Variants in CABLES2 observed in about 807,000 individuals in gnomAD.
CABLES2 encodes the protein Cdk5 and Abl enzyme substrate 2.
CABLES2 carries 35 observed loss-of-function variants against 44.8 expected under a neutral mutation model. That is an observed-to-expected ratio of 0.78 (90% CI 0.60 to 1.04). The LOEUF (loss-of-function observed/expected upper bound fraction) is 1.04, where lower values mean the gene tolerates loss of function less well. CABLES2 is among the 50% of genes least tolerant of loss of function. The pLI, the probability that CABLES2 is intolerant of heterozygous loss-of-function variation, is 0.00. For missense variants in CABLES2, 566 were observed against 615.7 expected (o/e 0.92, Z 0.85); for synonymous variants, 282 against 281.1 (o/e 1.00, Z -0.03).
chr20:62,391,506 A>C lies in CABLES2; in HGVS notation c.1092-53T>G. On this transcript the variant is annotated intron_variant, in intron 8 of 9. Transcript: ENST00000279101. This position sits in a 1 kb window ranked among gnomAD's most constrained non-coding sequence, Gnocchi z 5.7. The stretch of plus-strand genomic sequence containing the variant: ...CTGGGGGCTCTGGCTGGGGCTGAGG[A>C]GGCAGCCCCCTGCCACCACCAACCG... 2 of 1,567,278 alleles carry C rather than the reference A, an allele frequency of 1.3e-6. No individual in the cohort carries two copies. Among genetic ancestry groups the C allele is most frequent in the African/African-American group, 1.3e-5 (1 of 74,130 alleles).
At position 62,391,481 on chromosome 20, in the gene CABLES2, CT is replaced by C. The variant is rs1341243922; in HGVS notation, c.1092-29del. Reference sequence around the variant, plus strand: ...GTGGGTTAAGACAGAAGCCATGTCCCTGGGGGCTCTGGCTGGGGCTGAGGAG... The same window carrying C: ...GTGGGTTAAGACAGAAGCCATGTCCCGGGGGCTCTGGCTGGGGCTGAGGAG... On this transcript the variant is annotated intron_variant, in intron 8 of 9. Transcript: ENST00000279101. This position sits in a 1 kb window ranked among gnomAD's most constrained non-coding sequence, Gnocchi z 5.7. 1 of 1,607,090 alleles carries C rather than the reference CT, an allele frequency of 6.2e-7. No individual in the cohort carries two copies. Among genetic ancestry groups the C allele is most frequent in the East Asian group, 2.2e-5 (1 of 44,736 alleles).
chr20:62,391,008 A>G lies in CABLES2; in HGVS notation c.1400T>C (p.Val467Ala), dbSNP rs749662209. The G allele has an allele frequency of 5.6e-6, 9 of 1,613,778 alleles. No homozygotes were observed. Among genetic ancestry groups the G allele is most frequent in the Non-Finnish European group, 6.8e-6 (8 of 1,179,964 alleles). The change falls in exon 10 of 10, where the codon GTG (valine) becomes GCG (alanine). Residue 467 changes from valine (V) to alanine (A), a missense_variant. Val to Ala is a moderately conservative substitution (Grantham distance 64). This residue lies in a region of CABLES2 where 436 missense variants were observed against 536.3 expected (regional missense o/e 0.81). Transcript: ENST00000279101. The surrounding 1 kb of genome is among the most constrained non-coding windows in gnomAD (Gnocchi z 5.7). Reference protein sequence around the residue: ...ELALYLPENQVLPHYRRLTQQ... With the variant: ...ELALYLPENQALPHYRRLTQQ... ...GGTGAGGCGCCTGTAATGAGGTAAC[A>G]CTTGGTTCTCGGGAAGATACAGGGC...
intron 1 of CABLES2, among the ~76,000 whole-genome samples, chr20:62,397,951 T>TGATGGC (rs1569017203): frequency 4.1e-5 from 1 of 24,118 alleles, no homozygotes; most frequent in Admixed American, 4.0e-4. Context: ...GTGGTGACGG[T>TGATGGC]AGTGGTGGTG....
In CABLES2 at chr20:62,391,171, C is replaced by G; in HGVS notation, c.1297-60G>C. 1 of 1,604,686 alleles carries G rather than the reference C, an allele frequency of 6.2e-7. No individual in the cohort carries two copies. Among genetic ancestry groups the G allele is most frequent in the Non-Finnish European group, 8.5e-7 (1 of 1,173,006 alleles). On this transcript the variant is annotated intron_variant, in intron 9 of 9. Coordinates refer to ENST00000279101, the MANE Select transcript of CABLES2 (RefSeq NM_031215.3). The surrounding 1 kb of genome is among the most constrained non-coding windows in gnomAD (Gnocchi z 5.7). ...CCTTCCCTCTTCCACATTTCCCACC[C>G]GGCCAGCCCCATCCCAGCAGTGGCC...
chr20:62,399,390 G>T (rs1988146228), intron 1 of CABLES2, among the ~76,000 whole-genome samples: 1 of 151,918 alleles, frequency 6.6e-6, no homozygotes, highest in African/African-American at 2.4e-5. Context: ...GGGACTACAG[G>T]CGCCCGCCAC....
chr20:62,399,140 G>A (rs540450200), intron 1 of CABLES2, among the ~76,000 whole-genome samples: 6 of 152,186 alleles, frequency 3.9e-5, no homozygotes, highest in African/African-American at 1.4e-4. Flanking sequence ...AGTAGAGATG[G>A]GGTTTCACCA....
rs549110328 is a variant in CABLES2, at chr20:62,391,172, G to T, written c.1297-61C>A. 4.4e-6 allele frequency: 7 copies of T among 1,604,752 alleles called. No homozygotes were observed. The highest frequency in any genetic ancestry group is 6.0e-6 in the Non-Finnish European group (7 of 1,173,202). On this transcript the variant is annotated intron_variant, in intron 9 of 9. Transcript: ENST00000279101. This position sits in a 1 kb window ranked among gnomAD's most constrained non-coding sequence, Gnocchi z 5.7. ...CTTCCCTCTTCCACATTTCCCACCC[G>T]GCCAGCCCCATCCCAGCAGTGGCCC...
intron 1 of CABLES2, chr20:62,402,148 C>G (rs539747356): frequency 1.1e-3 from 173 of 152,352 alleles, no homozygotes; most frequent in Middle Eastern, 6.8e-3. Context: ...GAGTCTGCCC[C>G]CCCAGTCTGC....
At position 62,396,798 on chromosome 20, in the gene CABLES2, CA is replaced by C. The variant is rs1226890545; in HGVS notation, c.363-207del. On this transcript the variant is annotated intron_variant, in intron 1 of 9. Coordinates refer to ENST00000279101, the MANE Select transcript of CABLES2 (RefSeq NM_031215.3). This position sits in a 1 kb window ranked among gnomAD's most constrained non-coding sequence, Gnocchi z 5.7. ...CCTTGAGAGGTTCCTGTTTTGGAGGCACTGAGCTCTTCTCTGGGGACCAGCA... is the reference window on the plus strand; with the variant it reads ...CCTTGAGAGGTTCCTGTTTTGGAGGCCTGAGCTCTTCTCTGGGGACCAGCA... Among the ~76,000 whole-genome samples, 16 of 152,110 alleles carry C rather than the reference CA, an allele frequency of 1.1e-4. No individual in the cohort carries two copies. The highest frequency in any genetic ancestry group is 4.1e-4 in the South Asian group (2 of 4,828).
At chr20:62,398,180 G>T (rs1294976713) in intron 1 of CABLES2, among the ~76,000 whole-genome samples, 1 of 106,812 alleles carries the variant, frequency 9.4e-6, no homozygotes, top group African/African-American at 4.0e-5. Context: ...TAATGGTGGT[G>T]GTGGTGATGG....
At chr20:62,401,702 G>A (rs1185852513) in intron 1 of CABLES2, among the ~76,000 whole-genome samples, 1 of 152,242 alleles carries the variant, frequency 6.6e-6, no homozygotes, top group Non-Finnish European at 1.5e-5. Context: ...CACGGGTTGA[G>A]AGGCTCGTCA....
chr20:62,392,284 G>T, intron 8 of CABLES2, 105 bp downstream of exon 8: 1 of 841,968 alleles, frequency 1.2e-6, no homozygotes, highest in Non-Finnish European at 2.0e-6. Flanking sequence ...TTGGGGATGG[G>T]CAGCGGCTAG....
At position 62,390,942 on chromosome 20, in the gene CABLES2, G is replaced by A. The variant is rs753618373; in HGVS notation, c.*29C>T. 19 of 1,611,174 alleles carry A rather than the reference G, an allele frequency of 1.2e-5. No individual in the cohort carries two copies. The highest frequency in any genetic ancestry group is 1.6e-5 in the Non-Finnish European group (19 of 1,177,834). ...CCTCCCAGGCCGGCAAGTGCACCTC[G>A]GTGCCCTGAGCCTTCTGTGGGGCCT... On this transcript the variant is annotated 3_prime_UTR_variant, in exon 10 of 10. Coordinates refer to ENST00000279101, the MANE Select transcript of CABLES2 (RefSeq NM_031215.3).
At chr20:62,398,187 A>ACGGTGG (rs759461396) in intron 1 of CABLES2, among the ~76,000 whole-genome samples, 35 of 92,764 alleles carry the variant, frequency 3.8e-4, no homozygotes, top group African/African-American at 1.7e-3. Context: ...GGTGGTGGTG[A>ACGGTGG]TGGTGATGAT....
In CABLES2 at chr20:62,406,968, C is replaced by G. The variant is rs146975578; in HGVS notation, c.309G>C (p.Leu103=). 23 of 1,211,146 alleles carry G rather than the reference C, an allele frequency of 1.9e-5. No individual in the cohort carries two copies. The highest frequency in any genetic ancestry group is 4.1e-5 in the South Asian group (1 of 24,126). 75.0% of individuals were successfully genotyped at this position (1,211,146 alleles called of 1,614,324 possible). A position where few individuals can be genotyped will look rare whatever the true frequency, so the allele number is the denominator to read the frequency against. The part of the protein sequence containing the change: ...LPARTPAPQG[L]LSPTQVPTGL... ...CGGTGGGCACCTGCGTGGGGCTGAG[C>G]AGGCCCTGGGGCGCGGGGGTCCTGG... Residue 103 remains leucine (L), a synonymous_variant, in exon 1 of 10, where the codon CTG becomes CTC. Transcript: ENST00000279101.
At chr20:62,402,093 C>G (rs1988199759) in intron 1 of CABLES2, 1 of 152,200 alleles carries the variant, frequency 6.6e-6, no homozygotes, top group South Asian at 2.1e-4. Flanking sequence ...TCAAAGCTGC[C>G]TGCATCTGAC....
chr20:62,397,927 T>TGATGGTGGTGGTGGTGATGGC (rs1555890654), intron 1 of CABLES2, among the ~76,000 whole-genome samples: 3 of 100,178 alleles, frequency 3.0e-5, no homozygotes, highest in African/African-American at 5.3e-5. Context: ...GTGGTGATGG[T>TGATGGTGGTGGTGGTGATGGC]GGTGGTGGTG....
rs913025341 is a variant in CABLES2 at position 62,396,581 on chromosome 20, G to A, written c.374C>T (p.Thr125Met). The A allele has an allele frequency of 5.6e-6, 9 of 1,612,476 alleles. No individual in the cohort carries two copies. The highest frequency in any genetic ancestry group is 4.0e-5 in the African/African-American group (3 of 75,018). Residue 125 changes from threonine to methionine, a missense_variant, in exon 2 of 10, where the codon ACG (threonine) becomes ATG (methionine). By Grantham distance (81) the Thr-to-Met change is moderately conservative. This residue lies in a region of CABLES2 where 436 missense variants were observed against 536.3 expected (regional missense o/e 0.81). Coordinates refer to ENST00000279101, the MANE Select transcript of CABLES2 (RefSeq NM_031215.3). This position sits in a 1 kb window ranked among gnomAD's most constrained non-coding sequence, Gnocchi z 5.7. ...AAACTCCAGGGAGCAGCGCTGGGAC[G>A]TGACTCGCTTCCTGCAAGATGACAA... is the stretch of plus-strand genomic sequence containing the variant. ...LDGQRQRKRV[T>M]SQRCSLEFLE...
chr20:62,398,205 A>ACGG (rs1988110591), intron 1 of CABLES2, among the ~76,000 whole-genome samples: 1 of 86,166 alleles, frequency 1.2e-5, no homozygotes, highest in Admixed American at 1.2e-4. Flanking sequence ...GATGGTGGTG[A>ACGG]TGGTGATGTG....
Sources: allele counts gnomAD v4.1 joint callset (sites outside exome capture counted in the v4.1 genomes callset), GRCh38; gene constraint gnomAD v4.1.1; regional missense constraint gnomAD v4.1.1; non-coding constraint Gnocchi (gnomAD v3.1); transcripts MANE v1.5; gene names NCBI Gene and HGNC (gene_info 2026-07-23, HGNC 2026-07-21).